The following MYO16 variants were observed in gnomAD, a reference collection of about 807,000 sequenced individuals.
The protein encoded by MYO16 is unconventional myosin-XVI.
MYO16 carries 94 observed loss-of-function variants against 205.3 expected under a neutral mutation model. The ratio of observed to expected loss-of-function variants is 0.46; its 90% CI spans 0.39 to 0.54. MYO16 has a LOEUF of 0.54. MYO16 is among the 20% of genes least tolerant of loss of function. The pLI, the probability that MYO16 is intolerant of heterozygous loss-of-function variation, is 0.00. For synonymous variants in MYO16, 988 were observed against 954.0 expected (o/e 1.04, Z -0.66); for missense variants, 2,315 against 2,387.5 (o/e 0.97, Z 0.63).
At chr13:109,085,572 C>T (rs536653613) in intron 27 of MYO16, among the ~76,000 whole-genome samples, 102 of 152,250 alleles carry the variant, frequency 6.7e-4, no homozygotes, top group Non-Finnish European at 1.1e-3. Flanking sequence ...AAATTCAATA[C>T]ATAGGTGTGA....
chr13:109,137,780 A>T (rs1876850186), intron 31 of MYO16, among the ~76,000 whole-genome samples: 1 of 152,204 alleles, frequency 6.6e-6, no homozygotes, highest in African/African-American at 2.4e-5. Flanking sequence ...ATACATACTC[A>T]TATCACCATT....
rs1042305700 is a variant in MYO16 at position 109,146,918 on chromosome 13, A to C, written c.5164+5542A>C. 3.3e-5 allele frequency among the ~76,000 whole-genome samples: 5 copies of C among 151,720 alleles called. No homozygotes were observed. In the South Asian group the frequency reaches 1.0e-3, roughly 31 times the overall value. ...AATAATATATATTTAAATATTTATA[A>C]ATATTTTATCATAGATGTTCTTTAA... On this transcript the variant is annotated intron_variant, in intron 32 of 34. Transcript: ENST00000457511.
At chr13:108,699,111 T>C (rs544183047) in intron 2 of MYO16, among the ~76,000 whole-genome samples, 5 of 145,578 alleles carry the variant, frequency 3.4e-5, no homozygotes, top group African/African-American at 1.3e-4. Context: ...TATATATATA[T>C]GTGTGTGTGT....
intron 22 of MYO16, among the ~76,000 whole-genome samples, chr13:109,011,118 A>G (rs1414039054): frequency 6.6e-6 from 1 of 151,832 alleles, no homozygotes; most frequent in African/African-American, 2.4e-5. Context: ...TTTATCTAAA[A>G]ACACTTTTGT....
chr13:109,144,996 G>T (rs1877263523), intron 32 of MYO16, among the ~76,000 whole-genome samples: 2 of 152,106 alleles, frequency 1.3e-5, no homozygotes, highest in Admixed American at 1.3e-4. Context: ...ATAGATTCTT[G>T]GATATGCAAT....
chr13:108,978,140 T>G (rs935367348), intron 20 of MYO16, among the ~76,000 whole-genome samples: 7 of 152,092 alleles, frequency 4.6e-5, no homozygotes, highest in African/African-American at 1.7e-4. Flanking sequence ...GTTTCTTATG[T>G]TGATCTCATA....
intron 21 of MYO16, among the ~76,000 whole-genome samples, chr13:109,006,445 G>A (rs1427564586): frequency 6.6e-6 from 1 of 151,960 alleles, no homozygotes; most frequent in Non-Finnish European, 1.5e-5. Context: ...TCACCATATT[G>A]GTCAGACTGG....
chr13:109,172,963 T>G (rs1250228035), intron 33 of MYO16, among the ~76,000 whole-genome samples: 1 of 152,230 alleles, frequency 6.6e-6, no homozygotes, highest in Non-Finnish European at 1.5e-5. Context: ...ATTACTTTGA[T>G]GGCTTGTGCT....
At chr13:108,726,557 CAA>C (rs756271184) in intron 3 of MYO16, among the ~76,000 whole-genome samples, 32,344 of 107,672 alleles carry the variant, frequency 0.3, 4,410 homozygotes, top group African/African-American at 0.47. Context: ...GACTCTGTTT[CAA>C]AAAAAAAAAA....
At chr13:109,172,913 C>A (rs1878979980) in intron 33 of MYO16, among the ~76,000 whole-genome samples, 1 of 152,204 alleles carries the variant, frequency 6.6e-6, no homozygotes, top group Admixed American at 6.5e-5. Context: ...ATGATATTTT[C>A]TTAGACACAA....
At position 109,036,861 on chromosome 13, in the gene MYO16, A is replaced by G. The variant is rs549922011; in HGVS notation, c.2797-10055A>G. ...AAAGGAAGGCATAAACCCAGCCTCT[A>G]TCTTTGGCTACTTTCATGCTTTTCT... On this transcript the variant is annotated intron_variant, in intron 23 of 34. Transcript: ENST00000457511. 7.9e-5 allele frequency among the ~76,000 whole-genome samples: 12 copies of G among 152,318 alleles called. No individual in the cohort carries two copies. In the East Asian group the frequency reaches 2.3e-3, roughly 29 times the overall value.
chr13:109,018,514 T>C (rs141573749), intron 22 of MYO16, among the ~76,000 whole-genome samples: 13 of 152,308 alleles, frequency 8.5e-5, no homozygotes, highest in Non-Finnish European at 1.8e-4. Flanking sequence ...ACCACTGCTC[T>C]CTTCAGAGCT....
chr13:108,923,451 G>A (rs1032128159), intron 16 of MYO16, among the ~76,000 whole-genome samples: 1 of 152,248 alleles, frequency 6.6e-6, no homozygotes, highest in African/African-American at 2.4e-5. Context: ...TTGGAGCAGT[G>A]GAGGGATCCG....
At chr13:108,929,923 A>G (rs1293538659) in intron 16 of MYO16, among the ~76,000 whole-genome samples, 1 of 152,252 alleles carries the variant, frequency 6.6e-6, no homozygotes, top group East Asian at 1.9e-4. Flanking sequence ...GCACTTTAAA[A>G]TAGTTTAAAT....
In MYO16 at chr13:109,140,506, C is replaced by T; in HGVS notation, c.4294C>T (p.Pro1432Ser). The T allele has an allele frequency of 6.4e-7, 1 of 1,550,910 alleles. No homozygotes were observed. The change falls in exon 32 of 35, where the codon CCT becomes TCT. Residue 1432 changes from proline (P) to serine (S), a missense_variant. Physicochemically the swap from Pro to Ser is moderately conservative, Grantham distance 74. Around this residue, in one of 3 missense-constraint regions of MYO16, gnomAD observed 1,097 missense variants for 1,092.0 expected, o/e 1.00. Transcript: ENST00000457511. The surrounding 1 kb of genome is among the most constrained non-coding windows in gnomAD (Gnocchi z 8.0). Reference sequence around the variant, plus strand: ...TCCGGGTGACGAGGACGACAGCGAGCCTGTGTACATCGAGATGCTGGGGCA... The same window carrying T: ...TCCGGGTGACGAGGACGACAGCGAGTCTGTGTACATCGAGATGCTGGGGCA... The part of the protein sequence containing the change: ...APPGDEDDSE[P>S]VYIEMLGHAA...
intron 20 of MYO16, among the ~76,000 whole-genome samples, chr13:108,985,105 T>G (rs1456207318): frequency 6.6e-6 from 1 of 152,356 alleles, no homozygotes; most frequent in South Asian, 2.1e-4. Context: ...CAGACTCATT[T>G]TTTTAAAAGA....
At chr13:108,889,285 G>T (rs1344346013) in intron 14 of MYO16, among the ~76,000 whole-genome samples, 1 of 152,110 alleles carries the variant, frequency 6.6e-6, no homozygotes, top group Non-Finnish European at 1.5e-5. Flanking sequence ...TAACTGTCCC[G>T]CTAATTCATC....
chr13:109,092,660 CA>C (rs1888658302), intron 27 of MYO16, among the ~76,000 whole-genome samples: 1 of 152,162 alleles, frequency 6.6e-6, no homozygotes, highest in Admixed American at 6.6e-5. Context: ...ATAGGTACAA[CA>C]AACCCCCTGA....
chr13:108,978,123 A>G (rs1044206839), intron 20 of MYO16, among the ~76,000 whole-genome samples: 1 of 151,870 alleles, frequency 6.6e-6, no homozygotes, highest in Non-Finnish European at 1.5e-5. Context: ...GGAATACTGA[A>G]CCTTGAGTTT....
Sources: allele counts gnomAD v4.1 joint callset (sites outside exome capture counted in the v4.1 genomes callset), GRCh38; gene constraint gnomAD v4.1.1; regional missense constraint gnomAD v4.1.1; non-coding constraint Gnocchi (gnomAD v3.1); transcripts MANE v1.5; gene names NCBI Gene and HGNC (gene_info 2026-07-23, HGNC 2026-07-21).